Variants in CELSR1 observed in about 807,000 individuals in gnomAD.
The protein encoded by CELSR1 is cadherin EGF LAG seven-pass G-type receptor 1, also known as adhesion G protein-coupled receptor C1.
CELSR1 carries 110 observed loss-of-function variants against 249.1 expected under a neutral mutation model. The ratio of observed to expected loss-of-function variants is 0.44; its 90% CI spans 0.38 to 0.52. CELSR1 has a LOEUF of 0.52. CELSR1 is among the 20% of genes least tolerant of loss of function. The pLI, the probability that CELSR1 is intolerant of heterozygous loss-of-function variation, is 0.00. For missense variants in CELSR1, 4,109 were observed against 4,296.4 expected (o/e 0.96, Z 1.22); for synonymous variants, 2,113 against 1,900.0 (o/e 1.11, Z -2.92).
chr22:46,416,385 C>A (rs979733326), intron 5 of CELSR1, among the ~76,000 whole-genome samples: 2 of 152,220 alleles, frequency 1.3e-5, no homozygotes, highest in Non-Finnish European at 2.9e-5. Flanking sequence ...GGACCCCCCC[C>A]AACCCCTGCA....
In CELSR1 at chr22:46,409,609, G is replaced by C; in HGVS notation, c.5059+146C>G. ...GGAGGACAGTCTCTTGGAGAGGGCG[G>C]TGTGAGTCCACAGTAAATGCAGCAT... On this transcript the variant is annotated intron_variant, in intron 8 of 34. Transcript: ENST00000674500. The surrounding 1 kb of genome is among the most constrained non-coding windows in gnomAD (Gnocchi z 9.8). 1 of 945,172 alleles carries C rather than the reference G, an allele frequency of 1.1e-6. No homozygotes were observed. The highest frequency in any genetic ancestry group is 3.2e-4 in the Middle Eastern group (1 of 3,100). 58.5% of individuals were successfully genotyped at this position (945,172 alleles called of 1,614,324 possible).
intron 5 of CELSR1, among the ~76,000 whole-genome samples, chr22:46,415,505 A>G (rs1195624116): frequency 1.3e-5 from 2 of 152,186 alleles, no homozygotes; most frequent in Admixed American, 6.5e-5. Flanking sequence ...TGGTTAACTG[A>G]TGGCATGAAA....
rs574522797 is a variant in CELSR1, at chr22:46,484,101, T to C, written c.3545-19756A>G. Among the ~76,000 whole-genome samples the C allele has an allele frequency of 2.0e-5, 3 of 152,146 alleles. No individual in the cohort carries two copies. Among genetic ancestry groups the C allele is most frequent in the African/African-American group, 7.2e-5 (3 of 41,436 alleles). ...CTGCCCTGGCTCTCAGACTCACCTG[T>C]AGGGAGGAGCGCCCCAGGCCTTCCG... On this transcript the variant is annotated intron_variant, in intron 1 of 34. Transcript: ENST00000674500. This position sits in a 1 kb window ranked among gnomAD's most constrained non-coding sequence, Gnocchi z 4.5.
intron 1 of CELSR1, among the ~76,000 whole-genome samples, chr22:46,485,616 G>A (rs1327369467): frequency 6.6e-6 from 1 of 152,200 alleles, no homozygotes; most frequent in East Asian, 1.9e-4. Context: ...AATTGCCGAG[G>A]AGCAAAAGCT....
chr22:46,372,841 G>C (rs771344904), intron 25 of CELSR1, 42 bp downstream of exon 25: 4 of 1,561,608 alleles, frequency 2.6e-6, no homozygotes, highest in Non-Finnish European at 3.5e-6. Flanking sequence ...GGGTCTGTTG[G>C]AAATCTGTGG....
chr22:46,475,665 G>GA (rs2080201195), intron 1 of CELSR1, among the ~76,000 whole-genome samples: 1 of 148,396 alleles, frequency 6.7e-6, no homozygotes, highest in Non-Finnish European at 1.5e-5. Flanking sequence ...CGAATGGGGG[G>GA]GGAAGAAACA....
In CELSR1 at chr22:46,488,998, G is replaced by A. The variant is rs566116430; in HGVS notation, c.3545-24653C>T. On this transcript the variant is annotated intron_variant, in intron 1 of 34. Coordinates refer to ENST00000674500, the MANE Select transcript of CELSR1 (RefSeq NM_001378328.1). The surrounding 1 kb of genome is among the most constrained non-coding windows in gnomAD (Gnocchi z 4.7). ...TGAGCATGCAGCAGTTGGGGTCACC[G>A]TGGCAGTAAGGGACATGTCAGCTCA... Among the ~76,000 whole-genome samples the A allele has an allele frequency of 1.4e-4, 21 of 152,146 alleles. No homozygotes were observed. Among genetic ancestry groups the A allele is most frequent in the African/African-American group, 4.6e-4 (19 of 41,524 alleles).
intron 1 of CELSR1, among the ~76,000 whole-genome samples, chr22:46,530,942 C>T (rs1021467413): frequency 2.6e-5 from 4 of 152,232 alleles, no homozygotes; most frequent in African/African-American, 9.6e-5. Context: ...GGCTTTAGGG[C>T]ATGGCTGTAA....
At position 46,433,585 on chromosome 22, in the gene CELSR1, GCCACGTCCTCCCTCCCCTCCCCACGGCA is replaced by G; in HGVS notation, c.4523-132_4523-105del. On this transcript the variant is annotated intron_variant, in intron 4 of 34. Coordinates refer to ENST00000674500, the MANE Select transcript of CELSR1 (RefSeq NM_001378328.1). This position sits in a 1 kb window ranked among gnomAD's most constrained non-coding sequence, Gnocchi z 5.7. ...CATCAGGGGGAGACAGGTGCACATG[GCCACGTCCTCCCTCCCCTCCCCACGGCA>G]CCATGGTGGGAGGCGCCCACCACTC... The G allele has an allele frequency of 1.3e-6, 1 of 785,198 alleles. No individual in the cohort carries two copies. Among genetic ancestry groups the G allele is most frequent in the South Asian group, 1.6e-5 (1 of 61,380 alleles). 48.6% of individuals were successfully genotyped at this position (785,198 alleles called of 1,614,324 possible). A position where few individuals can be genotyped will look rare whatever the true frequency, so the allele number is the denominator to read the frequency against.
At position 46,535,322 on chromosome 22, in the gene CELSR1, C is replaced by T. The variant is rs201866541; in HGVS notation, c.1849G>A (p.Ala617Thr). Residue 617 changes from alanine to threonine, a missense_variant, in exon 1 of 35, where the codon GCT (alanine) becomes ACT (threonine). Ala to Thr is a moderately conservative substitution (Grantham distance 58). This residue lies in a region of CELSR1 where 886 missense variants were observed against 896.5 expected (regional missense o/e 0.99). Transcript: ENST00000674500. ...GTGGGGGCAGGATTCTTAGGCCCAGCGCTGCCGCCCCCCAGAAAGGTGGAG... is the reference window on the plus strand; with the variant it reads ...GTGGGGGCAGGATTCTTAGGCCCAGTGCTGCCGCCCCCCAGAAAGGTGGAG... ...TASTFLGGGS[A>T]GPKNPAPTPD... is the part of the protein sequence containing the mutation. The T allele has an allele frequency of 4.3e-6, 7 of 1,611,920 alleles. No homozygotes were observed. In the Admixed American group the frequency reaches 1.0e-4, roughly 23 times the overall value.
intron 18 of CELSR1, among the ~76,000 whole-genome samples, chr22:46,386,924 A>C (rs1418872227): frequency 1.3e-5 from 2 of 151,916 alleles, no homozygotes; most frequent in African/African-American, 4.8e-5. Flanking sequence ...CACCCGGCTA[A>C]TTTTTGTATT....
rs375003533 is a variant in CELSR1 at position 46,411,633 on chromosome 22, C to T, written c.4738G>A (p.Ala1580Thr). ...FGKDIGNYSC[A>T]AQGTQTGSKK... ...GAGCCGGTCTGAGTGCCCTGGGCAG[C>T]GCAGCTGTAGTTCCCGATGTCCTTT... The change falls in exon 6 of 35, where the codon GCT becomes ACT. Residue 1580 changes from alanine (A) to threonine (T), a missense_variant. Around this residue, in one of 7 missense-constraint regions of CELSR1, gnomAD observed 453 missense variants for 492.0 expected, o/e 0.92. Coordinates refer to ENST00000674500, the MANE Select transcript of CELSR1 (RefSeq NM_001378328.1). This position sits in a 1 kb window ranked among gnomAD's most constrained non-coding sequence, Gnocchi z 4.2. 22 of 1,614,042 alleles carry T rather than the reference C, an allele frequency of 1.4e-5. No individual in the cohort carries two copies. The highest frequency in any genetic ancestry group is 8.0e-5 in the African/African-American group (6 of 74,940).
chr22:46,516,909 C>T (rs1441669750), intron 1 of CELSR1, among the ~76,000 whole-genome samples: 2 of 152,238 alleles, frequency 1.3e-5, no homozygotes, highest in Non-Finnish European at 2.9e-5. Context: ...AGCTGACCCC[C>T]ACTGACCCAT....
Position 46,394,246 on chromosome 22 carries a change from G to A in CELSR1, c.5860C>T (p.Pro1954Ser). 2 of 1,613,636 alleles carry A rather than the reference G, an allele frequency of 1.2e-6. No individual in the cohort carries two copies. The highest frequency in any genetic ancestry group is 2.2e-5 in the East Asian group (1 of 44,882). ...ACGGGGTTCCCCCACCAGCCTCTGG[G>A]GCACGGAAGGTCGAGTCTGTGGGGA... ...YCENKLDLPC[P>S]RGWWGNPVCG... is the part of the protein sequence containing the mutation. The change falls in exon 14 of 35, where the codon CCC (proline) becomes TCC (serine). Residue 1954 changes from proline (P) to serine (S), a missense_variant. Pro to Ser is a moderately conservative substitution (Grantham distance 74, BLOSUM62 -1). Around this residue, in one of 7 missense-constraint regions of CELSR1, gnomAD observed 1,805 missense variants for 1,831.6 expected, o/e 0.99. Transcript: ENST00000674500.
chr22:46,469,672 C>G (rs989613873), intron 1 of CELSR1, among the ~76,000 whole-genome samples: 1 of 151,748 alleles, frequency 6.6e-6, no homozygotes, highest in Non-Finnish European at 1.5e-5. Context: ...TACACCACCA[C>G]GCCTGGCTAA....
intron 1 of CELSR1, among the ~76,000 whole-genome samples, chr22:46,524,812 G>A (rs2080722925): frequency 6.6e-6 from 1 of 152,124 alleles, no homozygotes; most frequent in South Asian, 2.1e-4. Context: ...CCTTCACCAG[G>A]GCGAGTCCCT....
At position 46,363,989 on chromosome 22, in the gene CELSR1, TACTC is replaced by T; in HGVS notation, c.9035+3_9035+6del. ...TGATCCCCGCCCTGGAGGCCCAGGCTACTCACTCAGAGTCGGAGCCATCGGCCTG... is the reference window on the plus strand; with the variant it reads ...TGATCCCCGCCCTGGAGGCCCAGGCTACTCAGAGTCGGAGCCATCGGCCTG... On this transcript the variant is annotated splice_donor_5th_base_variant and intron_variant, in intron 34 of 34. Coordinates refer to ENST00000674500, the MANE Select transcript of CELSR1 (RefSeq NM_001378328.1). The surrounding 1 kb of genome is among the most constrained non-coding windows in gnomAD (Gnocchi z 4.3). 2 of 1,593,618 alleles carry T rather than the reference TACTC, an allele frequency of 1.3e-6. No homozygotes were observed. Among genetic ancestry groups the T allele is most frequent in the South Asian group, 1.1e-5 (1 of 89,302 alleles).
chr22:46,397,762 A>C lies in CELSR1; in HGVS notation c.5613T>G (p.Asp1871Glu). The change falls in exon 12 of 35, where the codon GAT becomes GAG. Residue 1871 changes from aspartate to glutamate, a missense_variant. Asp to Glu is a conservative substitution (Grantham distance 45). Transcript: ENST00000674500. The stretch of plus-strand genomic sequence containing the variant: ...GGCTCGAGGTACAGGGGTCGTCCAC[A>C]TCACAGCCGTCCTTCACCCTGACCT... ...ALKVRVKDGC[D>E]VDDPCTSSPC... 6.2e-7 allele frequency: 1 copy of C among 1,602,722 alleles called. No individual in the cohort carries two copies. The highest frequency in any genetic ancestry group is 8.5e-7 in the Non-Finnish European group (1 of 1,174,038).
chr22:46,457,208 G>C (rs2079965920), intron 2 of CELSR1, among the ~76,000 whole-genome samples: 1 of 152,154 alleles, frequency 6.6e-6, no homozygotes, highest in African/African-American at 2.4e-5. Flanking sequence ...AACCAAGAGT[G>C]GTGGTGCATG....
Sources: allele counts gnomAD v4.1 joint callset (sites outside exome capture counted in the v4.1 genomes callset), GRCh38; gene constraint gnomAD v4.1.1; regional missense constraint gnomAD v4.1.1; non-coding constraint Gnocchi (gnomAD v3.1); transcripts MANE v1.5; gene names NCBI Gene and HGNC (gene_info 2026-07-23, HGNC 2026-07-21).